Variants in GALNT13 observed in about 807,000 individuals in gnomAD.
GALNT13 encodes the protein UDP-GalNAc:polypeptide N-acetylgalactosaminyltransferase 13.
GALNT13 carries 28 observed loss-of-function variants against 64.2 expected under a neutral mutation model. That is an observed-to-expected ratio of 0.44 (90% confidence interval 0.32 to 0.60). GALNT13 has a LOEUF of 0.60. Ranked by LOEUF, GALNT13 falls within the 20% of genes least tolerant of loss-of-function variation. The probability of loss-of-function intolerance (pLI) is 0.05; values close to 1 mark genes in which losing one functional copy is unlikely to be tolerated. For missense variants in GALNT13, 577 were observed against 669.8 expected (o/e 0.86, Z 1.53); for synonymous variants, 214 against 224.6 (o/e 0.95, Z 0.42).
the GALNT13 span, among the ~76,000 whole-genome samples, chr2:153,485,547 C>A: frequency 6.6e-6 from 1 of 152,166 alleles, no homozygotes; most frequent in Non-Finnish European, 1.5e-5. Flanking sequence ...ATAATGCTGA[C>A]ACAATTTTTG....
chr2:153,530,561 A>C, the GALNT13 span, among the ~76,000 whole-genome samples: 1 of 152,338 alleles, frequency 6.6e-6, no homozygotes, highest in African/African-American at 2.4e-5. Context: ...CAGAATAAAC[A>C]AAGCTATTCT....
At chr2:154,385,837 G>A (rs865822703) in intron 9 of GALNT13, among the ~76,000 whole-genome samples, 2 of 151,894 alleles carry the variant, frequency 1.3e-5, no homozygotes, top group South Asian at 2.1e-4. Context: ...AACATAGAGG[G>A]ATACCTCATC....
At chr2:153,518,692 T>C in the GALNT13 span, among the ~76,000 whole-genome samples, 1 of 152,296 alleles carries the variant, frequency 6.6e-6, no homozygotes, top group South Asian at 2.1e-4. Context: ...AACTAGAAGT[T>C]ACTGAACTAG....
chr2:154,345,690 T>C lies in GALNT13; in HGVS notation c.1156+44101T>C, dbSNP rs1445324501. Among the ~76,000 whole-genome samples the C allele has an allele frequency of 2.6e-5, 4 of 152,038 alleles. No homozygotes were observed. In the East Asian group the frequency reaches 7.7e-4, roughly 29 times the overall value. On this transcript the variant is annotated intron_variant, in intron 9 of 12. Coordinates refer to ENST00000392825, the MANE Select transcript of GALNT13 (RefSeq NM_052917.4). The stretch of plus-strand genomic sequence containing the variant: ...GAGTGACACAAACTCCTAATAATTA[T>C]AGAAATTCAGCCTCTTCTGGGAACT...
chr2:153,705,357 A>T, the GALNT13 span, among the ~76,000 whole-genome samples: 1 of 152,044 alleles, frequency 6.6e-6, no homozygotes, highest in African/African-American at 2.4e-5. Context: ...AAGATATTTT[A>T]TAAAGAAGTT....
intron 3 of GALNT13, among the ~76,000 whole-genome samples, chr2:154,056,903 G>T (rs999978874): frequency 6.6e-6 from 1 of 151,718 alleles, no homozygotes; most frequent in African/African-American, 2.4e-5. Context: ...GTTTTAGGTT[G>T]AGTTTCTTTG....
the GALNT13 span, among the ~76,000 whole-genome samples, chr2:153,617,791 A>G: frequency 1.3e-5 from 2 of 151,880 alleles, no homozygotes; most frequent in African/African-American, 2.4e-5. Context: ...GTTAGGCTGT[A>G]TGTGTCCAGA....
At chr2:154,223,535 TCCG>T (rs1688434393) in intron 4 of GALNT13, among the ~76,000 whole-genome samples, 1 of 144,332 alleles carries the variant, frequency 6.9e-6, no homozygotes, top group Non-Finnish European at 1.5e-5. Flanking sequence ...CACTGCAACC[TCCG>T]CCTCCTGGGT....
At chr2:153,343,515 A>G in the GALNT13 span, among the ~76,000 whole-genome samples, 1 of 152,080 alleles carries the variant, frequency 6.6e-6, no homozygotes, top group Non-Finnish European at 1.5e-5. Context: ...CTGCTTATAA[A>G]AAATATGTTT....
intron 4 of GALNT13, among the ~76,000 whole-genome samples, chr2:154,177,681 GAA>G (rs1193077869): frequency 1.3e-5 from 2 of 152,132 alleles, no homozygotes; most frequent in Non-Finnish European, 2.9e-5. Flanking sequence ...AGGGGAAAGG[GAA>G]TATATGGGAA....
chr2:153,939,374 G>A (rs1387359982), intron 2 of GALNT13, among the ~76,000 whole-genome samples: 2 of 152,182 alleles, frequency 1.3e-5, no homozygotes, highest in African/African-American at 4.8e-5. Context: ...GATCAGAAAG[G>A]CATGAAGTAG....
chr2:154,312,674 C>T (rs923968530), intron 9 of GALNT13, among the ~76,000 whole-genome samples: 1 of 152,106 alleles, frequency 6.6e-6, no homozygotes, highest in Admixed American at 6.6e-5. Context: ...AAAACAATCT[C>T]CCCCAAGTAT....
the GALNT13 span, among the ~76,000 whole-genome samples, chr2:153,594,542 T>G: frequency 6.6e-6 from 1 of 152,112 alleles, no homozygotes; most frequent in South Asian, 2.1e-4. Flanking sequence ...TTTTGTAATC[T>G]TATCTCTTCT....
At chr2:153,401,982 G>A in the GALNT13 span, among the ~76,000 whole-genome samples, 3 of 146,112 alleles carry the variant, frequency 2.1e-5, no homozygotes, top group Non-Finnish European at 4.5e-5. Context: ...GATGTTAGCT[G>A]GTGATTTTGC....
chr2:153,574,359 T>C, the GALNT13 span, among the ~76,000 whole-genome samples: 1 of 152,132 alleles, frequency 6.6e-6, no homozygotes, highest in Non-Finnish European at 1.5e-5. Context: ...CTTGGTGTTC[T>C]ATAACCTTCT....
At chr2:154,110,772 A>G (rs1348866651) in intron 3 of GALNT13, among the ~76,000 whole-genome samples, 1 of 152,020 alleles carries the variant, frequency 6.6e-6, no homozygotes, top group East Asian at 1.9e-4. Flanking sequence ...CCAATCAAGT[A>G]GACACTCAGT....
At chr2:154,026,913 G>A (rs973753402) in intron 3 of GALNT13, among the ~76,000 whole-genome samples, 5 of 152,102 alleles carry the variant, frequency 3.3e-5, no homozygotes, top group East Asian at 1.9e-4. Context: ...TCGAGCATCC[G>A]GAGAAGGAAT....
At chr2:153,428,659 T>A in the GALNT13 span, among the ~76,000 whole-genome samples, 1 of 152,210 alleles carries the variant, frequency 6.6e-6, no homozygotes, top group South Asian at 2.1e-4. Flanking sequence ...GAGAAAGGAA[T>A]TGTTTCGTGT....
At chr2:154,352,861 T>A (rs1042841243) in intron 9 of GALNT13, among the ~76,000 whole-genome samples, 1 of 152,182 alleles carries the variant, frequency 6.6e-6, no homozygotes, top group Non-Finnish European at 1.5e-5. Flanking sequence ...GCAAGTCCAG[T>A]GCAGTGTCTA....
Sources: allele counts gnomAD v4.1 joint callset (sites outside exome capture counted in the v4.1 genomes callset), GRCh38; gene constraint gnomAD v4.1.1; transcripts MANE v1.5; gene names NCBI Gene and HGNC (gene_info 2026-07-23, HGNC 2026-07-21).